CSMD1: variants seen among roughly 807,000 people sequenced by gnomAD.
CSMD1 encodes the protein CUB and sushi domain-containing protein 1.
In CSMD1, 213 loss-of-function variants were observed where a neutral mutation model predicts 417.5. The observed-to-expected ratio is 0.51, with a 90% CI of 0.46 to 0.57. CSMD1 has a LOEUF of 0.57. CSMD1 is among the 20% of genes least tolerant of loss of function. The pLI is 0.00. For missense variants in CSMD1, 6,923 were observed against 4,529.7 expected, an observed-to-expected ratio of 1.53 and a Z score of -15.17; for synonymous variants, 2,862 against 1,736.8, an observed-to-expected ratio of 1.65 and a Z score of -16.11.
chr8:4,344,260 T>A lies in CSMD1; in HGVS notation c.415+75693A>T, dbSNP rs561081075. On this transcript the variant is annotated intron_variant, in intron 3 of 69. Coordinates refer to ENST00000635120, the MANE Select transcript of CSMD1 (RefSeq NM_033225.6). ...CCTCTGACACAATCATCTTTACACG[T>A]GTTCATTCAATTGTTCATTCTGTCA... Among the ~76,000 whole-genome samples, 64 of 152,256 alleles carry A rather than the reference T, an allele frequency of 4.2e-4. 1 individual carries two copies. Among genetic ancestry groups the A allele is most frequent in the African/African-American group, 1.3e-3 (55 of 41,558 alleles).
At chr8:3,206,691 T>C (rs536710068) in intron 30 of CSMD1, among the ~76,000 whole-genome samples, 1 of 150,760 alleles carries the variant, frequency 6.6e-6, no homozygotes, top group African/African-American at 2.4e-5. Context: ...TGTATATGTG[T>C]GTGTGGGGGG....
chr8:3,951,806 G>A (rs1328503916), intron 5 of CSMD1, among the ~76,000 whole-genome samples: 2 of 151,882 alleles, frequency 1.3e-5, no homozygotes, highest in Admixed American at 1.3e-4. Flanking sequence ...AGCTGGCAAA[G>A]AAGTGAAAAA....
chr8:4,174,869 T>C (rs73510841), intron 3 of CSMD1, among the ~76,000 whole-genome samples: 12,989 of 146,428 alleles, frequency 0.089, 937 homozygotes, highest in African/African-American at 0.18. Context: ...AAAATATTGA[T>C]GTTAATGTAC....
chr8:2,989,831 T>G (rs1417992560), intron 54 of CSMD1, among the ~76,000 whole-genome samples: 2 of 152,236 alleles, frequency 1.3e-5, no homozygotes, highest in African/African-American at 2.4e-5. Flanking sequence ...TTGTGTCCAA[T>G]GCACAGATGC....
chr8:4,805,164 G>A (rs1798517862), intron 1 of CSMD1, among the ~76,000 whole-genome samples: 1 of 152,146 alleles, frequency 6.6e-6, no homozygotes, highest in Non-Finnish European at 1.5e-5. Context: ...CCCCCTGGAT[G>A]TCAGTTTACT....
At chr8:3,064,860 G>A (rs542976108) in intron 49 of CSMD1, among the ~76,000 whole-genome samples, 18 of 152,164 alleles carry the variant, frequency 1.2e-4, no homozygotes, top group African/African-American at 4.1e-4. Context: ...CAAGTTAGGG[G>A]CTTAGTTTCA....
In CSMD1 at chr8:4,714,605, T is replaced by A. The variant is rs77036081; in HGVS notation, c.86-77047A>T. On this transcript the variant is annotated intron_variant, in intron 1 of 69. Coordinates refer to ENST00000635120, the MANE Select transcript of CSMD1 (RefSeq NM_033225.6). ...GGTTATTGAATAACACAGCTGAGAT[T>A]CAAATTCACACCACTCATCCAAAAA... Among the ~76,000 whole-genome samples, 346 of 150,240 alleles carry A rather than the reference T, an allele frequency of 2.3e-3. 6 individuals carry two copies. The East Asian group carries it at 0.059, about 26-fold the overall frequency.
In CSMD1 at chr8:4,647,524, T is replaced by A. The variant is rs115822201; in HGVS notation, c.86-9966A>T. ...CGTAGGTACGCGTGTGCCATGGTTG[T>A]TTGCTGCACCTATTGACCCCTCCTC... On this transcript the variant is annotated intron_variant, in intron 1 of 69. Coordinates refer to ENST00000635120, the MANE Select transcript of CSMD1 (RefSeq NM_033225.6). Among the ~76,000 whole-genome samples the A allele has an allele frequency of 3.0e-3, 463 of 152,012 alleles. 5 individuals carry two copies. Among genetic ancestry groups the A allele is most frequent in the African/African-American group, 0.011 (438 of 41,314 alleles).
chr8:4,563,985 G>A (rs931407976), intron 2 of CSMD1, among the ~76,000 whole-genome samples: 3 of 152,196 alleles, frequency 2.0e-5, no homozygotes, highest in Non-Finnish European at 4.4e-5. Context: ...AACATCTGCA[G>A]ATTCCCAGGA....
intron 49 of CSMD1, among the ~76,000 whole-genome samples, chr8:3,068,065 T>C (rs1321648387): frequency 6.6e-6 from 1 of 152,184 alleles, no homozygotes; most frequent in Non-Finnish European, 1.5e-5. Context: ...TATATTTCTA[T>C]CCAAAAGGGA....
rs200296436 is a variant in CSMD1 at position 3,981,500 on chromosome 8, TAAAAAAAA to T, written c.818+16395_818+16402del. On this transcript the variant is annotated intron_variant, in intron 5 of 69. Coordinates refer to ENST00000635120, the MANE Select transcript of CSMD1 (RefSeq NM_033225.6). ...TACTCCAATAACTTATAGAAAAAAG[TAAAAAAAA>T]AAAAAAAAAAAAAAAAAGAACATAC... is the stretch of plus-strand genomic sequence containing the variant. 1.1e-4 allele frequency among the ~76,000 whole-genome samples: 13 copies of T among 115,072 alleles called. No individual in the cohort carries two copies. In the South Asian group the frequency reaches 1.1e-3, roughly 10 times the overall value. 75.5% of individuals were successfully genotyped at this position (115,072 alleles called of 152,430 possible).
chr8:4,901,640 T>C (rs1313014508), intron 1 of CSMD1, among the ~76,000 whole-genome samples: 7 of 152,200 alleles, frequency 4.6e-5, no homozygotes, highest in Non-Finnish European at 1.0e-4. Context: ...AATTTAAAAC[T>C]AGAAAGTTTG....
At chr8:4,198,807 G>C (rs913366659) in intron 3 of CSMD1, among the ~76,000 whole-genome samples, 20 of 151,942 alleles carry the variant, frequency 1.3e-4, no homozygotes, top group South Asian at 4.2e-4. Flanking sequence ...ATTAACAGAG[G>C]TCATGGCACA....
intron 8 of CSMD1, among the ~76,000 whole-genome samples, chr8:3,599,450 G>A (rs1156275526): frequency 1.3e-5 from 2 of 151,634 alleles, no homozygotes; most frequent in Non-Finnish European, 2.9e-5. Flanking sequence ...TAACCCCAAA[G>A]CAGCATTATT....
chr8:4,710,336 G>C (rs1258664113), intron 1 of CSMD1, among the ~76,000 whole-genome samples: 1 of 149,358 alleles, frequency 6.7e-6, no homozygotes, highest in Non-Finnish European at 1.5e-5. Context: ...ATATTCTAAA[G>C]TACATTAATA....
At chr8:3,565,741 T>A (rs1799677816) in intron 10 of CSMD1, among the ~76,000 whole-genome samples, 2 of 152,210 alleles carry the variant, frequency 1.3e-5, no homozygotes, top group South Asian at 4.1e-4. Flanking sequence ...TAGCAGTTGT[T>A]CATTAAGAAA....
At chr8:4,840,999 T>C (rs1800807862) in intron 1 of CSMD1, among the ~76,000 whole-genome samples, 1 of 152,232 alleles carries the variant, frequency 6.6e-6, no homozygotes, top group African/African-American at 2.4e-5. Context: ...TCCTCTTAAC[T>C]GAGCGTTTGC....
At chr8:3,611,856 G>C (rs772775713) in intron 8 of CSMD1, among the ~76,000 whole-genome samples, 1 of 151,990 alleles carries the variant, frequency 6.6e-6, no homozygotes, top group African/African-American at 2.4e-5. Context: ...TAGGACAGAA[G>C]TTCAGCCAAT....
At chr8:3,801,361 G>A (rs903268001) in intron 5 of CSMD1, among the ~76,000 whole-genome samples, 1 of 152,050 alleles carries the variant, frequency 6.6e-6, no homozygotes, top group African/African-American at 2.4e-5. Context: ...ATGAAAAGAT[G>A]CTAAAGATCA....
Sources: gnomAD v4.1 joint callset for allele counts (sites outside exome capture counted in the v4.1 genomes callset) on GRCh38, gnomAD v4.1.1 for gene constraint, MANE v1.5 for transcripts, NCBI Gene and HGNC (gene_info 2026-07-23, HGNC 2026-07-21) for gene names.